GPR78: variants seen among roughly 807,000 people sequenced by gnomAD.
The protein encoded by GPR78 is G protein-coupled receptor 78.
GPR78 carries 29 observed loss-of-function variants against 17.9 expected under a neutral mutation model. The observed-to-expected ratio is 1.62, with a 90% confidence interval of 1.20 to 2.21. The LOEUF is 2.21. Among genes scored for constraint, GPR78 ranks in the 30% most tolerant of loss-of-function variants. GPR78 has a pLI of 0.00. For synonymous variants in GPR78, 349 were observed against 256.9 expected, an observed-to-expected ratio of 1.36 and a Z score of -3.43; for missense variants, 649 against 530.5, an observed-to-expected ratio of 1.22 and a Z score of -2.19.
Position 8,589,015 on chromosome 4 carries a change from G to A in GPR78, c.*1652G>A, listed in dbSNP as rs554004626. On this transcript the variant is annotated 3_prime_UTR_variant, in exon 3 of 3. Transcript: ENST00000382487. ...CTGAGTAGTTGAGGACACAGGCACGGGACACCATGCCTGGCTAATTTTTGT... is the reference window on the plus strand; with the variant it reads ...CTGAGTAGTTGAGGACACAGGCACGAGACACCATGCCTGGCTAATTTTTGT... 7.2e-5 allele frequency among the ~76,000 whole-genome samples: 11 copies of A among 152,052 alleles called. No homozygotes were observed. In the East Asian group the frequency reaches 1.6e-3, roughly 22 times the overall value.
In GPR78 at chr4:8,581,450, T is replaced by A. The variant is rs777449379; in HGVS notation, c.468T>A (p.Cys156Ter). The A allele has an allele frequency of 1.3e-6, 2 of 1,591,296 alleles. No individual in the cohort carries two copies. Among genetic ancestry groups the A allele is most frequent in the Non-Finnish European group, 1.7e-6 (2 of 1,176,652 alleles). The change falls in exon 1 of 3, where the codon TGT becomes TGA. Residue 156 changes from cysteine (C) to a stop codon, truncating the protein, a stop_gained. Coordinates refer to ENST00000382487, the MANE Select transcript of GPR78 (RefSeq NM_080819.5). LOFTEE classifies it high-confidence loss of function. ...WLGYSSAFAS[C>*]SLRLPPEPER... ...GCTACAGCAGCGCCTTCGCGTCCTG[T>A]TCGCTGCGCCTGCCGCCCGAGCCTG...
rs569589449 is a variant in GPR78, at chr4:8,589,562, C to T, written c.*2199C>T. On this transcript the variant is annotated 3_prime_UTR_variant, in exon 3 of 3. Coordinates refer to ENST00000382487, the MANE Select transcript of GPR78 (RefSeq NM_080819.5). ...AAAGTTCTGGAGCCCAGGCTGTGAG[C>T]TCCTTGGCTGAGCCCTCTCCTGTCC... Among the ~76,000 whole-genome samples, 1 of 152,374 alleles carries T rather than the reference C, an allele frequency of 6.6e-6. No homozygotes were observed. The highest frequency in any genetic ancestry group is 2.1e-4 in the South Asian group (1 of 4,832).
Position 8,587,376 on chromosome 4 carries a change from G to T in GPR78, c.*13G>T. On this transcript the variant is annotated 3_prime_UTR_variant, in exon 3 of 3. Coordinates refer to ENST00000382487, the MANE Select transcript of GPR78 (RefSeq NM_080819.5). ...GCAGACACACTGAGGGCCTGGCAGG[G>T]CTCATCGCCCCCACCTTCTAAGAAG... 6.2e-7 allele frequency: 1 copy of T among 1,606,140 alleles called. No individual in the cohort carries two copies. Among genetic ancestry groups the T allele is most frequent in the African/African-American group, 1.3e-5 (1 of 74,938 alleles).
chr4:8,583,393 A>T (rs150795879), intron 2 of GPR78, among the ~76,000 whole-genome samples: 274 of 152,198 alleles, frequency 1.8e-3, no homozygotes, highest in African/African-American at 5.9e-3. Flanking sequence ...TCTCCATGGA[A>T]TTTCTGGCCA....
Position 8,587,503 on chromosome 4 carries a change from G to A in GPR78, c.*140G>A. The A allele has an allele frequency of 1.2e-6, 1 of 842,548 alleles. No homozygotes were observed. 52.2% of individuals were successfully genotyped at this position (842,548 alleles called of 1,614,324 possible). ...TAAGGCTGAAGTACAGGAGGAGGAG[G>A]AGGAGAGGGCCGGATGTGGGTGTGG... On this transcript the variant is annotated 3_prime_UTR_variant, in exon 3 of 3. Transcript: ENST00000382487.
chr4:8,589,416 C>T lies in GPR78; in HGVS notation c.*2053C>T, dbSNP rs1713655535. ...GTCATGCCCTGATTCACAGAGGGCA[C>T]AGGTGGGTGTCATGCCCTGGTTCAC... On this transcript the variant is annotated 3_prime_UTR_variant, in exon 3 of 3. Coordinates refer to ENST00000382487, the MANE Select transcript of GPR78 (RefSeq NM_080819.5). Among the ~76,000 whole-genome samples, 1 of 152,088 alleles carries T rather than the reference C, an allele frequency of 6.6e-6. No individual in the cohort carries two copies. Among genetic ancestry groups the T allele is most frequent in the African/African-American group, 2.4e-5 (1 of 41,404 alleles).
rs568063709 is a variant in GPR78 at position 8,587,163 on chromosome 4, C to T, written c.892C>T (p.Arg298Cys). Residue 298 changes from arginine (R) to cysteine (C), a missense_variant, in exon 3 of 3, where the codon CGC (arginine) becomes TGC (cysteine). Coordinates refer to ENST00000382487, the MANE Select transcript of GPR78 (RefSeq NM_080819.5). ...VADPFTYSLLRRPFRQVLAGM... is the reference protein window; with the variant it reads ...VADPFTYSLLCRPFRQVLAGM... ...CGACCCGTTCACGTACTCTCTGCTCCGCCGGCCGTTCCGCCAAGTCCTGGC... is the reference window on the plus strand; with the variant it reads ...CGACCCGTTCACGTACTCTCTGCTCTGCCGGCCGTTCCGCCAAGTCCTGGC... The T allele has an allele frequency of 1.3e-4, 204 of 1,613,208 alleles. 1 individual carries two copies. The South Asian group carries it at 1.5e-3, about 12-fold the overall frequency.
rs1022192654 is a variant in GPR78, at chr4:8,581,092, G to A, written c.110G>A (p.Arg37His). The change falls in exon 1 of 3, where the codon CGC becomes CAC. Residue 37 changes from arginine to histidine, a missense_variant. By Grantham distance (29) the Arg-to-His change is conservative (BLOSUM62 0). Coordinates refer to ENST00000382487, the MANE Select transcript of GPR78 (RefSeq NM_080819.5). ...TGTTGCGCCTACAGCGCTGAGCTCC[G>A]CACTCGAGCCTCAGGCGTCCTCCTG... ...LLCCAYSAEL[R>H]TRASGVLLVN... 1.2e-6 allele frequency: 2 copies of A among 1,605,850 alleles called. No homozygotes were observed. The highest frequency in any genetic ancestry group is 1.1e-5 in the South Asian group (1 of 90,742).
intron 2 of GPR78, chr4:8,582,863 A>G (rs1560281328): frequency 1.3e-5 from 7 of 524,268 alleles, no homozygotes; most frequent in Non-Finnish European, 2.4e-5. Context: ...AAATGAGGAG[A>G]CTCTCCTTGT....
intron 1 of GPR78, among the ~76,000 whole-genome samples, chr4:8,581,941 C>T (rs1191558088): frequency 1.3e-5 from 2 of 152,144 alleles, no homozygotes; most frequent in Non-Finnish European, 2.9e-5. Flanking sequence ...GGCGGCCAGA[C>T]ACACCCCTCC....
chr4:8,585,775 G>A (rs1018724448), intron 2 of GPR78, among the ~76,000 whole-genome samples: 1 of 151,794 alleles, frequency 6.6e-6, no homozygotes, highest in Non-Finnish European at 1.5e-5. Context: ...TGAGGTGGTT[G>A]CCTGCCTGCC....
rs954998473 is a variant in GPR78, at chr4:8,581,732, A to G, written c.668+82A>G. 26 of 1,049,736 alleles carry G rather than the reference A, an allele frequency of 2.5e-5. 1 individual carries two copies. In the African/African-American group the frequency reaches 3.6e-4, roughly 15 times the overall value. The allele number at this position is 1,049,736 out of a possible 1,614,324, so 65.0% of individuals were successfully genotyped here. A position where few individuals can be genotyped will look rare whatever the true frequency, so the allele number is the denominator to read the frequency against. On this transcript the variant is annotated intron_variant, in intron 1 of 2. Transcript: ENST00000382487. ...CAGTTGGCTTGAGGAGCCTGTGGGC[A>G]TCACCACCGTTACTCCGCCCAGAGT...
intron 2 of GPR78, among the ~76,000 whole-genome samples, chr4:8,586,074 T>C (rs1713490166): frequency 6.6e-6 from 1 of 152,202 alleles, no homozygotes; most frequent in African/African-American, 2.4e-5. Context: ...CAGCTGCCAC[T>C]GGTCAGCAAG....
rs747007179 is a variant in GPR78 at position 8,587,424 on chromosome 4, C to G, written c.*61C>G. Reference sequence around the variant, plus strand: ...AAGCCCTGTGGAAAGGGCACTGGCCCTGCCACAGAGATGCCACTGGGGACC... The same window carrying G: ...AAGCCCTGTGGAAAGGGCACTGGCCGTGCCACAGAGATGCCACTGGGGACC... On this transcript the variant is annotated 3_prime_UTR_variant, in exon 3 of 3. Coordinates refer to ENST00000382487, the MANE Select transcript of GPR78 (RefSeq NM_080819.5). 4 of 1,527,870 alleles carry G rather than the reference C, an allele frequency of 2.6e-6. No homozygotes were observed. The highest frequency in any genetic ancestry group is 3.6e-6 in the Non-Finnish European group (4 of 1,122,286). The allele number at this position is 1,527,870 out of a possible 1,614,324, so 94.6% of individuals were successfully genotyped here. A position where few individuals can be genotyped will look rare whatever the true frequency, so the allele number is the denominator to read the frequency against.
chr4:8,586,737 A>T (rs1713524721), intron 2 of GPR78, among the ~76,000 whole-genome samples: 1 of 152,174 alleles, frequency 6.6e-6, no homozygotes, highest in African/African-American at 2.4e-5. Context: ...GTGTACGTGC[A>T]GGTGGGTGGA....
At chr4:8,587,003 G>A (rs758709975) in intron 2 of GPR78, 51 bp from the exon 3 acceptor site, 36 of 1,510,520 alleles carry the variant, frequency 2.4e-5, no homozygotes, top group South Asian at 5.9e-5. Flanking sequence ...GCGTGAGTGC[G>A]TGGCAGGTGC....
chr4:8,585,151 C>T (rs1409589566), intron 2 of GPR78, among the ~76,000 whole-genome samples: 1 of 152,180 alleles, frequency 6.6e-6, no homozygotes, highest in Non-Finnish European at 1.5e-5. Flanking sequence ...GATACAGAGC[C>T]CTCCCTTGTG....
intron 2 of GPR78, among the ~76,000 whole-genome samples, chr4:8,583,990 G>A (rs1376939711): frequency 1.3e-5 from 2 of 152,308 alleles, no homozygotes; most frequent in South Asian, 2.1e-4. Flanking sequence ...TCCTTCTCCC[G>A]GGAACCAGCT....
chr4:8,582,638 T>C lies in GPR78; in HGVS notation c.776T>C (p.Met259Thr). Residue 259 changes from methionine (M) to threonine (T), a missense_variant, in exon 2 of 3, where the codon ATG becomes ACG. By Grantham distance (81) the Met-to-Thr change is moderately conservative (BLOSUM62 -1). Transcript: ENST00000382487. ...TFLICFAPYV[M>T]TRLAELVPFV... is the part of the protein sequence containing the mutation. Reference sequence around the variant, plus strand: ...CTCATCTGCTTTGCCCCGTATGTCATGACCAGGTGGGTCCTGGCAGTCCGG... The same window carrying C: ...CTCATCTGCTTTGCCCCGTATGTCACGACCAGGTGGGTCCTGGCAGTCCGG... 1 of 1,605,220 alleles carries C rather than the reference T, an allele frequency of 6.2e-7. No homozygotes were observed. Among genetic ancestry groups the C allele is most frequent in the Non-Finnish European group, 8.5e-7 (1 of 1,171,992 alleles).
Sources: gnomAD v4.1 joint callset for allele counts (sites outside exome capture counted in the v4.1 genomes callset) on GRCh38, gnomAD v4.1.1 for gene constraint, MANE v1.5 for transcripts, NCBI Gene and HGNC (gene_info 2026-07-23, HGNC 2026-07-21) for gene names.